The following TMC3 variants were observed in gnomAD, a reference collection of about 807,000 sequenced individuals.
The protein encoded by TMC3 is transmembrane channel like 3.
In TMC3, 98 loss-of-function variants were observed where a neutral mutation model predicts 110.6. The ratio of observed to expected loss-of-function variants is 0.89; its 90% CI spans 0.75 to 1.05. The LOEUF is 1.05. Ranked by LOEUF, TMC3 falls within the 50% of genes least tolerant of loss-of-function variation. The pLI is 0.00. For synonymous variants in TMC3, 489 were observed against 513.1 expected, an observed-to-expected ratio of 0.95 and a Z score of 0.63; for missense variants, 1,319 against 1,373.2, an observed-to-expected ratio of 0.96 and a Z score of 0.62.
At chr15:81,337,810 A>G (rs755390859) in intron 19 of TMC3, 36 bp downstream of exon 19, 2 of 1,547,034 alleles carry the variant, frequency 1.3e-6, no homozygotes, top group Admixed American at 3.3e-5. Context: ...TGTGGTTGAC[A>G]CATATTCATA....
At chr15:81,373,285 C>G (rs747677043) in intron 1 of TMC3, among the ~76,000 whole-genome samples, 30 of 152,064 alleles carry the variant, frequency 2.0e-4, no homozygotes, top group Admixed American at 5.9e-4. Flanking sequence ...TTTCTACGAG[C>G]GAAAGATTAG....
intron 7 of TMC3, 43 bp downstream of exon 7, chr15:81,358,106 T>C (rs1894104697): frequency 2.0e-6 from 3 of 1,529,212 alleles, no homozygotes; most frequent in East Asian, 4.5e-5. Flanking sequence ...ATTACACATA[T>C]CATAACGCTT....
chr15:81,368,221 C>A, intron 3 of TMC3, 32 bp downstream of exon 3: 1 of 1,575,136 alleles, frequency 6.3e-7, no homozygotes, highest in Admixed American at 1.7e-5. Flanking sequence ...GTGTGAGCCA[C>A]CGCGCCCAGC....
intron 18 of TMC3, 130 bp from the exon 19 acceptor site, chr15:81,338,054 C>T (rs867978887): frequency 2.9e-6 from 2 of 696,812 alleles, no homozygotes; most frequent in South Asian, 3.3e-5. Flanking sequence ...CACTGACCCT[C>T]CGCTAAGGAC....
chr15:81,334,316 G>A (rs1314267887), intron 21 of TMC3, among the ~76,000 whole-genome samples: 1 of 152,164 alleles, frequency 6.6e-6, no homozygotes, highest in Non-Finnish European at 1.5e-5. Context: ...AAAGTAGGAA[G>A]GGATCTACTG....
chr15:81,353,939 G>T (rs962030805), intron 9 of TMC3, among the ~76,000 whole-genome samples: 1 of 152,198 alleles, frequency 6.6e-6, no homozygotes. Flanking sequence ...AAATAAAGGA[G>T]CAACTAATTG....
At chr15:81,365,814 C>T (rs1366484002) in intron 3 of TMC3, among the ~76,000 whole-genome samples, 1 of 152,060 alleles carries the variant, frequency 6.6e-6, no homozygotes, top group African/African-American at 2.4e-5. Context: ...TTTGGAAAGA[C>T]TTACATGTCC....
In TMC3 at chr15:81,337,921, C is replaced by T. The variant is rs776377055; in HGVS notation, c.2085G>A (p.Met695Ile). The part of the protein sequence containing the change: ...VILPAVLLLF[M>I]LIYYLQSIAR... ...CGATGCTCTGGAGATAATAGATGAG[C>T]ATGCTAGGACAGAACAACACAGGAC... Residue 695 changes from methionine to isoleucine, a missense_variant, in exon 19 of 22, where the codon ATG (methionine) becomes ATA (isoleucine). Met to Ile is a conservative substitution (Grantham distance 10, BLOSUM62 1). Coordinates refer to ENST00000359440, the MANE Select transcript of TMC3 (RefSeq NM_001080532.3). 4 of 1,613,558 alleles carry T rather than the reference C, an allele frequency of 2.5e-6. No individual in the cohort carries two copies. Among genetic ancestry groups the T allele is most frequent in the Non-Finnish European group, 2.5e-6 (3 of 1,179,488 alleles).
At chr15:81,343,852 C>A in intron 14 of TMC3, 65 bp downstream of exon 14, 2 of 1,569,172 alleles carry the variant, frequency 1.3e-6, no homozygotes, top group Non-Finnish European at 1.7e-6. Flanking sequence ...GTTTCCCAGC[C>A]ACAACATGAG....
intron 4 of TMC3, among the ~76,000 whole-genome samples, chr15:81,361,313 G>A (rs1054831208): frequency 5.9e-5 from 9 of 152,022 alleles, no homozygotes; most frequent in Non-Finnish European, 1.2e-4. Flanking sequence ...TAAAACAATT[G>A]AATCAATTGT....
chr15:81,335,040 G>A, intron 20 of TMC3, 65 bp from the exon 21 acceptor site: 1 of 1,567,916 alleles, frequency 6.4e-7, no homozygotes, highest in South Asian at 1.2e-5. Flanking sequence ...CTTCAGATGA[G>A]TTGAGTTGCA....
chr15:81,359,809 T>A (rs1894148799), intron 4 of TMC3, among the ~76,000 whole-genome samples: 1 of 152,226 alleles, frequency 6.6e-6, no homozygotes, highest in Non-Finnish European at 1.5e-5. Flanking sequence ...GAATTTGGCA[T>A]ATTTCTTATC....
At position 81,349,586 on chromosome 15, in the gene TMC3, C is replaced by T; in HGVS notation, c.1084-19G>A. On this transcript the variant is annotated intron_variant, in intron 10 of 21. Transcript: ENST00000359440. ...CACTGACCTGCTGAGAGAGCACATG[C>T]CAGAGCCAGACATTCCCAGGACCCC... is the stretch of plus-strand genomic sequence containing the variant. 1 of 1,415,110 alleles carries T rather than the reference C, an allele frequency of 7.1e-7. No individual in the cohort carries two copies. Among genetic ancestry groups the T allele is most frequent in the South Asian group, 1.7e-5 (1 of 59,672 alleles). The allele number at this position is 1,415,110 out of a possible 1,614,324, so 87.7% of individuals were successfully genotyped here.
At chr15:81,349,613 C>A in intron 10 of TMC3, 46 bp from the exon 11 acceptor site, 1 of 1,131,702 alleles carries the variant, frequency 8.8e-7, no homozygotes, top group Non-Finnish European at 1.2e-6. Context: ...CAGGACCCCC[C>A]ACCAGCCCTC....
rs138136007 is a variant in TMC3 at position 81,344,941 on chromosome 15, G to A, written c.1343C>T (p.Pro448Leu). The A allele has an allele frequency of 2.2e-4, 361 of 1,613,046 alleles. 1 individual carries two copies. In the African/African-American group the frequency reaches 4.3e-3, roughly 19 times the overall value. Residue 448 changes from proline to leucine, a missense_variant, in exon 13 of 22, where the codon CCT becomes CTT. Physicochemically the swap from Pro to Leu is moderately conservative, Grantham distance 98. Transcript: ENST00000359440. ...AGATGTGGACCATTTCTCTTCTTCA[G>A]GGGCTGTCCTGGTTGCAAAGAAGGT... ...STTFFATRTA[P>L]EEEKWSTSRP...
chr15:81,334,517 A>T (rs1383299652), intron 21 of TMC3, among the ~76,000 whole-genome samples: 2 of 152,208 alleles, frequency 1.3e-5, no homozygotes, highest in Non-Finnish European at 2.9e-5. Flanking sequence ...ATGGCAGATA[A>T]CCTAGGAGGA....
chr15:81,338,814 T>C, intron 17 of TMC3, 34 bp from the exon 18 acceptor site: 1 of 1,610,252 alleles, frequency 6.2e-7, no homozygotes, highest in Non-Finnish European at 8.5e-7. Context: ...CCAGATTTTA[T>C]TGCTCTTGGC....
At chr15:81,347,881 C>G (rs1360252609) in intron 11 of TMC3, among the ~76,000 whole-genome samples, 1 of 152,198 alleles carries the variant, frequency 6.6e-6, no homozygotes, top group African/African-American at 2.4e-5. Flanking sequence ...CAGAAAGAAC[C>G]AGGAATAGCC....
At chr15:81,364,893 C>T (rs1454174400) in intron 3 of TMC3, among the ~76,000 whole-genome samples, 1 of 150,796 alleles carries the variant, frequency 6.6e-6, no homozygotes, top group African/African-American at 2.4e-5. Context: ...GTAATGTTTT[C>T]TTAATGTCAC....
Sources: gnomAD v4.1 joint callset for allele counts (sites outside exome capture counted in the v4.1 genomes callset) on GRCh38, gnomAD v4.1.1 for gene constraint, MANE v1.5 for transcripts, NCBI Gene and HGNC (gene_info 2026-07-23, HGNC 2026-07-21) for gene names.